Variants in GALNT13 observed in about 807,000 individuals in gnomAD.
GALNT13 encodes the protein polypeptide N-acetylgalactosaminyltransferase 13.
GALNT13 carries 28 observed loss-of-function variants against 64.2 expected under a neutral mutation model. The observed-to-expected ratio is 0.44, with a 90% CI of 0.32 to 0.60. The LOEUF is 0.60. Ranked by LOEUF, GALNT13 falls within the 20% of genes least tolerant of loss-of-function variation. GALNT13 has a pLI of 0.05. For synonymous variants in GALNT13, 214 were observed against 224.6 expected (o/e 0.95, Z 0.42); for missense variants, 577 against 669.8 (o/e 0.86, Z 1.53).
chr2:153,557,173 T>A, the GALNT13 span, among the ~76,000 whole-genome samples: 1 of 152,192 alleles, frequency 6.6e-6, no homozygotes, highest in Non-Finnish European at 1.5e-5. Context: ...TTAGATGTGT[T>A]TAGATACACA....
intron 4 of GALNT13, among the ~76,000 whole-genome samples, chr2:154,176,361 G>T (rs1411230265): frequency 4.0e-5 from 6 of 151,034 alleles, no homozygotes; most frequent in African/African-American, 1.5e-4. Flanking sequence ...TGCAACCTCC[G>T]CCTCCTGGGT....
At chr2:153,950,065 G>A (rs1207181489) in intron 3 of GALNT13, among the ~76,000 whole-genome samples, 2 of 59,254 alleles carry the variant, frequency 3.4e-5, no homozygotes, top group Admixed American at 1.1e-4. Context: ...AAAAATTACT[G>A]CAAAAAAATT....
chr2:153,361,981 G>A, the GALNT13 span, among the ~76,000 whole-genome samples: 1 of 152,144 alleles, frequency 6.6e-6, no homozygotes, highest in Non-Finnish European at 1.5e-5. Context: ...GAAAGGCCAG[G>A]TAACCTAGAA....
the GALNT13 span, among the ~76,000 whole-genome samples, chr2:153,468,015 G>A: frequency 4.6e-5 from 7 of 151,668 alleles, no homozygotes; most frequent in African/African-American, 9.7e-5. Flanking sequence ...TCAATGAAAC[G>A]CAGGAGTATT....
chr2:154,116,822 T>G (rs1681592869), intron 3 of GALNT13, among the ~76,000 whole-genome samples: 1 of 152,150 alleles, frequency 6.6e-6, no homozygotes, highest in African/African-American at 2.4e-5. Context: ...ATATTCTGTT[T>G]CTCTAGAACC....
chr2:153,149,082 A>G, the GALNT13 span, among the ~76,000 whole-genome samples: 1 of 151,838 alleles, frequency 6.6e-6, no homozygotes, highest in Non-Finnish European at 1.5e-5. Flanking sequence ...TAGTCTTAGG[A>G]CCAGTTAAAA....
the GALNT13 span, among the ~76,000 whole-genome samples, chr2:153,473,830 A>G: frequency 3.9e-5 from 6 of 152,168 alleles, no homozygotes; most frequent in African/African-American, 1.4e-4. Context: ...TAGGGAGAAA[A>G]AGTGGATGTT....
the GALNT13 span, among the ~76,000 whole-genome samples, chr2:153,570,901 G>GACTTTTTTTT: frequency 6.6e-6 from 1 of 151,486 alleles, no homozygotes; most frequent in Non-Finnish European, 1.5e-5. Context: ...CATTCCTCCA[G>GACTTTTTTTT]TTTCGTTTTT....
chr2:154,315,770 G>T (rs1236714408), intron 9 of GALNT13, among the ~76,000 whole-genome samples: 1 of 152,176 alleles, frequency 6.6e-6, no homozygotes, highest in Non-Finnish European at 1.5e-5. Flanking sequence ...GGTTACTTCA[G>T]TTCAGCAAGT....
the GALNT13 span, among the ~76,000 whole-genome samples, chr2:153,278,703 G>C: frequency 6.6e-5 from 10 of 152,050 alleles, no homozygotes; most frequent in East Asian, 5.8e-4. Context: ...TATGTTCCAT[G>C]GGTCTATGTG....
chr2:154,421,973 A>G (rs2105426354), intron 11 of GALNT13, among the ~76,000 whole-genome samples: 4 of 152,250 alleles, frequency 2.6e-5, no homozygotes, highest in Admixed American at 2.6e-4. Flanking sequence ...TGATAAGGAC[A>G]GGAATGGGTC....
the GALNT13 span, among the ~76,000 whole-genome samples, chr2:153,163,757 A>T: frequency 6.6e-6 from 1 of 152,160 alleles, no homozygotes; most frequent in East Asian, 1.9e-4. Context: ...CGGAGGCTCA[A>T]GCCTGTAATC....
the GALNT13 span, among the ~76,000 whole-genome samples, chr2:153,399,199 G>A: frequency 6.8e-6 from 1 of 147,356 alleles, no homozygotes; most frequent in African/African-American, 2.5e-5. Context: ...CCCATTGCTT[G>A]TTTTTCTCAG....
At chr2:153,376,323 A>G in the GALNT13 span, among the ~76,000 whole-genome samples, 2 of 152,304 alleles carry the variant, frequency 1.3e-5, no homozygotes, top group South Asian at 2.1e-4. Context: ...TCACATGGCA[A>G]TAGGCTATGA....
At chr2:154,287,467 A>G in intron 8 of GALNT13, 1 of 368,624 alleles carries the variant, frequency 2.7e-6, no homozygotes, top group Non-Finnish European at 5.2e-6. Context: ...ACTAGGCCAC[A>G]GCCCAGTGAT....
the GALNT13 span, among the ~76,000 whole-genome samples, chr2:153,680,005 A>G: frequency 6.6e-5 from 10 of 151,924 alleles, no homozygotes; most frequent in Non-Finnish European, 1.3e-4. Flanking sequence ...TATAAAATTT[A>G]TAATCTTCCC....
the GALNT13 span, among the ~76,000 whole-genome samples, chr2:153,105,223 A>C: frequency 2.0e-5 from 3 of 151,880 alleles, no homozygotes; most frequent in Admixed American, 6.6e-5. Flanking sequence ...TCAACATATG[A>C]AAATCAATAA....
At chr2:154,449,227 A>C (rs1286893430) in intron 12 of GALNT13, among the ~76,000 whole-genome samples, 1 of 151,716 alleles carries the variant, frequency 6.6e-6, no homozygotes, top group Admixed American at 6.6e-5. Context: ...TGCTCTTTTA[A>C]TTTCCTGCTT....
chr2:153,863,896 G>A, the GALNT13 span, among the ~76,000 whole-genome samples: 1 of 152,150 alleles, frequency 6.6e-6, no homozygotes, highest in East Asian at 1.9e-4. Context: ...TTGTGTATGT[G>A]TAATTGCTTC....
Sources: gnomAD v4.1 joint callset for allele counts (sites outside exome capture counted in the v4.1 genomes callset) on GRCh38, gnomAD v4.1.1 for gene constraint, MANE v1.5 for transcripts, NCBI Gene and HGNC (gene_info 2026-07-23, HGNC 2026-07-21) for gene names.